TPST1: variants seen among roughly 807,000 people sequenced by gnomAD.
TPST1 encodes the protein tyrosylprotein sulfotransferase 1, also known as protein-tyrosine sulfotransferase 1.
Under a neutral mutation model 34.8 loss-of-function variants are expected in TPST1, and 20 were observed. The observed-to-expected ratio is 0.57, with a 90% confidence interval of 0.40 to 0.84. The LOEUF (loss-of-function observed/expected upper bound fraction) is 0.84. Among genes scored for constraint, TPST1 ranks in the 40% least tolerant of loss-of-function variants. The pLI is 0.00. For missense variants in TPST1, 353 were observed against 455.5 expected (o/e 0.78, Z 2.05); for synonymous variants, 152 against 159.4 (o/e 0.95, Z 0.35).
intron 2 of TPST1, among the ~76,000 whole-genome samples, chr7:66,261,552 T>A (rs956399724): frequency 6.6e-5 from 10 of 152,210 alleles, no homozygotes; most frequent in Non-Finnish European, 1.2e-4. Flanking sequence ...TTTCTTTATG[T>A]TATCCTGGAT....
chr7:66,223,668 T>G (rs1789591892), intron 1 of TPST1, among the ~76,000 whole-genome samples: 1 of 152,140 alleles, frequency 6.6e-6, no homozygotes, highest in Non-Finnish European at 1.5e-5. Flanking sequence ...GTCTGAGAAG[T>G]TTGGAACTTG....
chr7:66,302,513 T>G (rs893139364), intron 3 of TPST1, among the ~76,000 whole-genome samples: 2 of 152,196 alleles, frequency 1.3e-5, no homozygotes, highest in African/African-American at 4.8e-5. Flanking sequence ...GAGATTTGTT[T>G]TTACACTTGG....
chr7:66,309,315 T>C (rs1431262815), intron 3 of TPST1, among the ~76,000 whole-genome samples: 1 of 152,192 alleles, frequency 6.6e-6, no homozygotes, highest in African/African-American at 2.4e-5. Flanking sequence ...TTAGAGTTAT[T>C]CCCTGATTAC....
intron 1 of TPST1, among the ~76,000 whole-genome samples, chr7:66,230,271 C>G (rs539294248): frequency 5.9e-5 from 9 of 152,350 alleles, no homozygotes; most frequent in East Asian, 3.9e-4. Flanking sequence ...ACAGATTTGC[C>G]TATTCTGGAC....
intron 3 of TPST1, among the ~76,000 whole-genome samples, chr7:66,348,868 CTTTA>C (rs1378404511): frequency 2.0e-5 from 3 of 152,062 alleles, no homozygotes; most frequent in African/African-American, 4.8e-5. Flanking sequence ...TTGCGTGAGC[CTTTA>C]TTTGATATTT....
upstream of TPST1, among the ~76,000 whole-genome samples, chr7:66,203,346 C>G (rs1789054085): frequency 6.6e-6 from 1 of 151,464 alleles, no homozygotes; most frequent in Non-Finnish European, 1.5e-5. Flanking sequence ...CTCACGGGAC[C>G]CTCCTGCCTG....
intron 3 of TPST1, among the ~76,000 whole-genome samples, chr7:66,324,924 TTC>T (rs1177962934): frequency 2.0e-5 from 3 of 152,270 alleles, no homozygotes; most frequent in African/African-American, 7.2e-5. Context: ...TGAAAATGTA[TTC>T]TGTTCTTTCT....
intron 1 of TPST1, among the ~76,000 whole-genome samples, chr7:66,209,561 T>C (rs1274528403): frequency 2.0e-5 from 3 of 152,244 alleles, no homozygotes; most frequent in Admixed American, 2.0e-4. Context: ...TGAACATGCC[T>C]AAATGGCTTT....
chr7:66,200,132 T>A, the TPST1 span, among the ~76,000 whole-genome samples: 90 of 152,340 alleles, frequency 5.9e-4, no homozygotes, highest in African/African-American at 2.1e-3. Flanking sequence ...TTCCTAGGTA[T>A]GTTGCATAGA....
chr7:66,299,857 A>G lies in TPST1; in HGVS notation c.1044+13148A>G, dbSNP rs558021773. 1.1e-4 allele frequency among the ~76,000 whole-genome samples: 16 copies of G among 152,180 alleles called. No homozygotes were observed. The East Asian group carries it at 2.9e-3, about 28-fold the overall frequency. On this transcript the variant is annotated intron_variant, in intron 3 of 5. Transcript: ENST00000304842. ...CTCTCCCTGTTGACTTTGTTTCTTT[A>G]TTATGGGTTATAGGCACACCTTGGA... is the stretch of plus-strand genomic sequence containing the variant.
intron 3 of TPST1, among the ~76,000 whole-genome samples, chr7:66,307,555 A>G (rs1290383266): frequency 1.3e-5 from 2 of 152,228 alleles, no homozygotes; most frequent in African/African-American, 4.8e-5. Context: ...GGAAATCTTC[A>G]TTGAGTAAAA....
intron 3 of TPST1, among the ~76,000 whole-genome samples, chr7:66,310,232 TA>T (rs1791504067): frequency 6.6e-6 from 1 of 152,304 alleles, no homozygotes; most frequent in Admixed American, 6.5e-5. Flanking sequence ...TCTGAGAAAA[TA>T]AAGAATTGTG....
chr7:66,228,437 AC>A (rs1789709425), intron 1 of TPST1, among the ~76,000 whole-genome samples: 1 of 152,218 alleles, frequency 6.6e-6, no homozygotes, highest in African/African-American at 2.4e-5. Flanking sequence ...TTAAAATAGT[AC>A]AAAATTTTAT....
intron 3 of TPST1, among the ~76,000 whole-genome samples, chr7:66,328,886 C>CTCTCTCTCTCTCTCTA (rs757168858): frequency 1.8e-4 from 4 of 22,094 alleles, no homozygotes; most frequent in African/African-American, 2.4e-4. Context: ...CTCTCTCTCT[C>CTCTCTCTCTCTCTCTA]TATATATATA....
chr7:66,317,082 C>CA (rs1200851795), intron 3 of TPST1, among the ~76,000 whole-genome samples: 3 of 152,068 alleles, frequency 2.0e-5, no homozygotes, highest in Non-Finnish European at 2.9e-5. Flanking sequence ...TAAAAGTTAA[C>CA]AAAAAAAGTC....
intron 1 of TPST1, among the ~76,000 whole-genome samples, chr7:66,219,132 A>C (rs1240232216): frequency 6.7e-6 from 1 of 148,270 alleles, no homozygotes; most frequent in African/African-American, 2.5e-5. Context: ...TCCTGACCTC[A>C]AGTGATCCAC....
intron 3 of TPST1, among the ~76,000 whole-genome samples, chr7:66,338,856 A>G (rs1792174306): frequency 6.6e-6 from 1 of 152,148 alleles, no homozygotes. Context: ...AAAAGTAAAA[A>G]GACTTCAAAT....
intron 4 of TPST1, among the ~76,000 whole-genome samples, chr7:66,355,972 T>A (rs1584264790): frequency 6.6e-6 from 1 of 150,550 alleles, no homozygotes; most frequent in Admixed American, 6.6e-5. Context: ...GGATGATCTG[T>A]TAAGCCCAGA....
intron 3 of TPST1, among the ~76,000 whole-genome samples, chr7:66,309,352 A>G (rs1182450180): frequency 2.6e-5 from 4 of 152,348 alleles, no homozygotes; most frequent in Admixed American, 2.6e-4. Context: ...CATCCAAAAT[A>G]TCTGGTTAAT....
Sources: allele counts gnomAD v4.1 joint callset (sites outside exome capture counted in the v4.1 genomes callset), GRCh38; gene constraint gnomAD v4.1.1; transcripts MANE v1.5; gene names NCBI Gene and HGNC (gene_info 2026-07-23, HGNC 2026-07-21).